Variants in ZIM2 observed in about 807,000 individuals in gnomAD.
ZIM2 encodes the protein zinc finger imprinted 2, also known as zinc finger protein 656.
Under a neutral mutation model 38.6 loss-of-function variants are expected in ZIM2, and 14 were observed. The ratio of observed to expected loss-of-function variants is 0.36; its 90% CI spans 0.24 to 0.57. The LOEUF (loss-of-function observed/expected upper bound fraction) is 0.57. Among genes scored for constraint, ZIM2 ranks in the 20% least tolerant of loss-of-function variants. ZIM2 has a pLI of 0.81. For synonymous variants in ZIM2, 247 were observed against 245.8 expected (o/e 1.00, Z -0.04); for missense variants, 680 against 695.1 (o/e 0.98, Z 0.24).
intron 1 of ZIM2, among the ~76,000 whole-genome samples, chr19:56,839,301 C>T (rs552731239): frequency 2.7e-5 from 4 of 148,332 alleles, no homozygotes; most frequent in Non-Finnish European, 4.5e-5. Flanking sequence ...CTGAGCAGAT[C>T]GTCATATCCA....
In ZIM2 at chr19:56,814,728, A is replaced by G. The variant is rs1600898923; in HGVS notation, c.490+3018T>C. The G allele has an allele frequency of 6.2e-7, 1 of 1,614,150 alleles. No individual in the cohort carries two copies. Among genetic ancestry groups the G allele is most frequent in the East Asian group, 2.2e-5 (1 of 44,862 alleles). ...GAAGTCTCATATGCTCATTAAGGGCAGAGCTATGAATGAAGCCTTGTCCAC... is the reference window on the plus strand; with the variant it reads ...GAAGTCTCATATGCTCATTAAGGGCGGAGCTATGAATGAAGCCTTGTCCAC... On this transcript the variant is annotated intron_variant, in intron 9 of 12. Transcript: ENST00000629319. This position sits in a 1 kb window ranked among gnomAD's most constrained non-coding sequence, Gnocchi z 5.8.
chr19:56,833,102 T>C (rs1002372753), intron 2 of ZIM2: 1 of 506,098 alleles, frequency 2.0e-6, no homozygotes, highest in African/African-American at 1.9e-5. Context: ...GAACACATCA[T>C]GCACTAGAAA....
At chr19:56,816,060 T>C (rs1024568157) in intron 9 of ZIM2, 42 of 1,602,104 alleles carry the variant, frequency 2.6e-5, no homozygotes, top group East Asian at 2.0e-4. Flanking sequence ...TACTGGGCCC[T>C]GCTACACTGT....
intron 10 of ZIM2, among the ~76,000 whole-genome samples, chr19:56,788,973 C>A (rs1282059368): frequency 6.6e-6 from 1 of 151,566 alleles, no homozygotes; most frequent in Non-Finnish European, 1.5e-5. Context: ...TCATGAAGTT[C>A]TCATGCTGTG....
At chr19:56,788,186 A>C (rs1035628684) in intron 10 of ZIM2, among the ~76,000 whole-genome samples, 4 of 149,782 alleles carry the variant, frequency 2.7e-5, no homozygotes, top group African/African-American at 9.9e-5. Flanking sequence ...TAGTTATTTT[A>C]ATTGTGATGT....
chr19:56,810,768 T>C (rs1172221593), intron 9 of ZIM2: 10 of 982,152 alleles, frequency 1.0e-5, no homozygotes, highest in Middle Eastern at 5.2e-4. Context: ...TGAAACAAGA[T>C]AGAGGAAACA....
chr19:56,775,655 C>CT, intron 12 of ZIM2, 126 bp from the exon 13 acceptor site: 1 of 1,426,434 alleles, frequency 7.0e-7, no homozygotes. Context: ...TTTTCCTAAT[C>CT]TGAAAAAAAA....
At chr19:56,815,497 G>C in intron 9 of ZIM2, 1 of 1,614,158 alleles carries the variant, frequency 6.2e-7, no homozygotes, top group Non-Finnish European at 8.5e-7. Context: ...AGTGAGGTCA[G>C]AGCTATGAGC....
intron 9 of ZIM2, chr19:56,811,594 G>A (rs1713115778): frequency 1.0e-6 from 1 of 985,192 alleles, no homozygotes; most frequent in Non-Finnish European, 1.2e-6. Context: ...TCTGAAAAGG[G>A]GCTACCACTG....
chr19:56,818,595 C>T lies in ZIM2; in HGVS notation c.397+5G>A. On this transcript the variant is annotated splice_donor_5th_base_variant and intron_variant, in intron 8 of 12. Coordinates refer to ENST00000629319, the MANE Select transcript of ZIM2 (RefSeq NM_001387356.1). Reference sequence around the variant, plus strand: ...TGGGAGTGACTGAGAGAAGCAGCTGCTTACCGAGGGAGAGCAGCTTCCTGT... The same window carrying T: ...TGGGAGTGACTGAGAGAAGCAGCTGTTTACCGAGGGAGAGCAGCTTCCTGT... 1.2e-6 allele frequency: 2 copies of T among 1,614,096 alleles called. No individual in the cohort carries two copies. The highest frequency in any genetic ancestry group is 2.2e-5 in the East Asian group (1 of 44,874).
intron 9 of ZIM2, chr19:56,811,725 T>C (rs935328465): frequency 2.0e-6 from 2 of 985,476 alleles, no homozygotes; most frequent in African/African-American, 3.5e-5. Context: ...TTTCCCGATG[T>C]CCGTTCCAAC....
At chr19:56,796,623 A>C (rs957267680) in intron 9 of ZIM2, among the ~76,000 whole-genome samples, 1 of 152,158 alleles carries the variant, frequency 6.6e-6, no homozygotes, top group Non-Finnish European at 1.5e-5. Flanking sequence ...CCCATGGACA[A>C]CTGGGGTGAG....
At chr19:56,823,729 A>G in intron 4 of ZIM2, 50 bp from the exon 5 acceptor site, 1 of 1,602,182 alleles carries the variant, frequency 6.2e-7, no homozygotes, top group Non-Finnish European at 8.6e-7. Context: ...ACATTCTCAC[A>G]ATAGTTCCCC....
chr19:56,799,500 G>A (rs1366403364), intron 9 of ZIM2: 1 of 152,026 alleles, frequency 6.6e-6, no homozygotes, highest in Non-Finnish European at 1.5e-5. Flanking sequence ...ATGCATGCTG[G>A]GCTTAATACC....
At chr19:56,822,933 CTCT>C in intron 5 of ZIM2, 97 bp from the exon 6 acceptor site, 2 of 1,490,598 alleles carry the variant, frequency 1.3e-6, no homozygotes, top group Non-Finnish European at 9.1e-7. Flanking sequence ...AGATGCTACC[CTCT>C]TCCCACAAGG....
At chr19:56,824,680 A>G in intron 3 of ZIM2, 1 of 1,580,628 alleles carries the variant, frequency 6.3e-7, no homozygotes, top group South Asian at 1.2e-5. Context: ...TTTTCACTGG[A>G]GGAACCAAAC....
intron 9 of ZIM2, chr19:56,816,306 G>A (rs1026389646): frequency 4.3e-6 from 7 of 1,614,020 alleles, no homozygotes; most frequent in African/African-American, 1.3e-5. Flanking sequence ...TGCCTTCAAA[G>A]AGGTTCTTTC....
At position 56,814,447 on chromosome 19, in the gene ZIM2, T is replaced by C. The variant is rs542583241; in HGVS notation, c.490+3299A>G. ...GGACTTACCACAATCCTTGCATTCA[T>C]AGAATGGTATAGCTCCTTTGAGGGG... On this transcript the variant is annotated intron_variant, in intron 9 of 12. Transcript: ENST00000629319. This position sits in a 1 kb window ranked among gnomAD's most constrained non-coding sequence, Gnocchi z 5.8. 4.3e-6 allele frequency: 7 copies of C among 1,613,936 alleles called. No homozygotes were observed. Among genetic ancestry groups the C allele is most frequent in the East Asian group, 2.2e-5 (1 of 44,884 alleles).
intron 10 of ZIM2, among the ~76,000 whole-genome samples, chr19:56,787,152 T>C (rs974828215): frequency 6.6e-6 from 1 of 152,174 alleles, no homozygotes; most frequent in African/African-American, 2.4e-5. Flanking sequence ...GTTATTTAAT[T>C]TCATTGGACA....
Sources: gnomAD v4.1 joint callset for allele counts (sites outside exome capture counted in the v4.1 genomes callset) on GRCh38, gnomAD v4.1.1 for gene constraint, Gnocchi (gnomAD v3.1) non-coding constraint, MANE v1.5 for transcripts, NCBI Gene and HGNC (gene_info 2026-07-23, HGNC 2026-07-21) for gene names.